The following ZNF469 variants were observed in gnomAD, a reference collection of about 807,000 sequenced individuals.
ZNF469 encodes the protein zinc finger protein 469.
Under a neutral mutation model 1.0 loss-of-function variants are expected in ZNF469, and 1 was observed. The ratio of observed to expected loss-of-function variants is 1.00; its 90% CI spans 0.35 to 4.73. The LOEUF (loss-of-function observed/expected upper bound fraction) is 4.73, where lower values mean the gene tolerates loss of function less well. ZNF469 is among the 30% of genes most tolerant of loss of function. The pLI is 0.16. For synonymous variants in ZNF469, 2,703 were observed against 2,363.4 expected, an observed-to-expected ratio of 1.14 and a Z score of -4.17; for missense variants, 6,100 against 5,356.3, an observed-to-expected ratio of 1.14 and a Z score of -4.33.
At chr16:88,269,583 C>A in the ZNF469 span, among the ~76,000 whole-genome samples, 2 of 152,210 alleles carry the variant, frequency 1.3e-5, no homozygotes, top group Non-Finnish European at 2.9e-5. Context: ...GGCCCCGCCT[C>A]CACCTGGGCT....
At chr16:88,345,467 G>C in the ZNF469 span, among the ~76,000 whole-genome samples, 1 of 152,314 alleles carries the variant, frequency 6.6e-6, no homozygotes, top group South Asian at 2.1e-4. Context: ...CGCAAACGTT[G>C]GGTAGGTGAC....
chr16:88,422,872 G>A lies in ZNF469; in HGVS notation c.-191-1935G>A, dbSNP rs140123607. ...ATGGATGGATGATGATGATGGATGA[G>A]TGAATGGATGGATGGATGGATGGAC... On this transcript the variant is annotated intron_variant, in intron 1 of 2. Transcript: ENST00000565624. 2.5e-5 allele frequency among the ~76,000 whole-genome samples: 3 copies of A among 119,054 alleles called. No individual in the cohort carries two copies. The East Asian group carries it at 8.6e-4, about 34-fold the overall frequency. The allele number at this position is 119,054 out of a possible 152,430, so 78.1% of individuals were successfully genotyped here.
chr16:88,380,954 TCA>T (rs924147953), upstream of ZNF469, among the ~76,000 whole-genome samples: 12 of 84,366 alleles, frequency 1.4e-4, no homozygotes, highest in Admixed American at 2.4e-4. Context: ...AGACACGCCC[TCA>T]CACACAGACA....
At chr16:88,318,103 C>T in the ZNF469 span, among the ~76,000 whole-genome samples, 2 of 152,232 alleles carry the variant, frequency 1.3e-5, no homozygotes, top group Non-Finnish European at 2.9e-5. Context: ...GATCCCTGCC[C>T]GTGGCTTGGG....
At chr16:88,422,186 G>A (rs1293978462) in intron 1 of ZNF469, among the ~76,000 whole-genome samples, 1 of 151,346 alleles carries the variant, frequency 6.6e-6, no homozygotes, top group Non-Finnish European at 1.5e-5. Flanking sequence ...GAGGATGGGG[G>A]GACGGGCACG....
At chr16:88,103,461 G>A in the ZNF469 span, among the ~76,000 whole-genome samples, 1 of 152,232 alleles carries the variant, frequency 6.6e-6, no homozygotes, top group Non-Finnish European at 1.5e-5. Flanking sequence ...CCGCCCTCGG[G>A]ACCGGCGTGA....
At position 88,429,464 on chromosome 16, in the gene ZNF469, C is replaced by T. The variant is rs184583062; in HGVS notation, c.1994C>T (p.Pro665Leu). 12,130 of 1,549,852 alleles carry T rather than the reference C, an allele frequency of 7.8e-3. 58 individuals carry two copies. The highest frequency in any genetic ancestry group is 9.3e-3 in the Non-Finnish European group (10,656 of 1,146,706). ...HSLPTHYQPE[P>L]AKAFPFPADG... ...CTCCCCACCCACTACCAGCCAGAGC[C>T]AGCCAAGGCCTTCCCTTTTCCCGCA... Residue 665 changes from proline (P) to leucine (L), a missense_variant, in exon 3 of 3, where the codon CCA becomes CTA. Transcript: ENST00000565624.
In ZNF469 at chr16:88,436,491, T is replaced by C. The variant is rs1906584672; in HGVS notation, c.9021T>C (p.Asp3007=). The change falls in exon 3 of 3, where the codon GAT becomes GAC. Residue 3007 remains aspartate (D), a synonymous_variant. Coordinates refer to ENST00000565624, the MANE Select transcript of ZNF469 (RefSeq NM_001367624.2). The part of the protein sequence containing the change: ...WRGLEMPAPA[D]DSSSSLGDVS... ...GCCTGGAGATGCCGGCCCCTGCCGATGACTCCTCCTCTTCTCTCGGAGATG... is the reference window on the plus strand; with the variant it reads ...GCCTGGAGATGCCGGCCCCTGCCGACGACTCCTCCTCTTCTCTCGGAGATG... 9 of 1,547,964 alleles carry C rather than the reference T, an allele frequency of 5.8e-6. No homozygotes were observed. In the East Asian group the frequency reaches 2.0e-4, roughly 34 times the overall value.
At chr16:88,185,817 A>C in the ZNF469 span, among the ~76,000 whole-genome samples, 2 of 151,826 alleles carry the variant, frequency 1.3e-5, no homozygotes, top group African/African-American at 4.8e-5. Context: ...ACACGCATAC[A>C]CGTGCCCAGA....
intron 1 of ZNF469, among the ~76,000 whole-genome samples, chr16:88,402,681 T>A (rs1452921742): frequency 6.6e-6 from 1 of 152,084 alleles, no homozygotes. Flanking sequence ...CCCTCTCTCA[T>A]GCCAGGCCAG....
At chr16:88,192,849 AATGATG>A in the ZNF469 span, among the ~76,000 whole-genome samples, 34 of 58,884 alleles carry the variant, frequency 5.8e-4, no homozygotes, top group Admixed American at 8.9e-4. Flanking sequence ...CAATGATGAT[AATGATG>A]GTGATGACGG....
chr16:88,176,662 A>G, the ZNF469 span, among the ~76,000 whole-genome samples: 3 of 152,238 alleles, frequency 2.0e-5, no homozygotes, highest in Non-Finnish European at 4.4e-5. Flanking sequence ...AGTTGTTATC[A>G]TGATGACCGT....
At chr16:88,406,397 C>T (rs1905030400) in intron 1 of ZNF469, among the ~76,000 whole-genome samples, 1 of 152,244 alleles carries the variant, frequency 6.6e-6, no homozygotes, top group Non-Finnish European at 1.5e-5. Flanking sequence ...CAGTGCCCCC[C>T]ACGCTGGGAA....
chr16:88,207,897 G>C, the ZNF469 span, among the ~76,000 whole-genome samples: 1 of 152,098 alleles, frequency 6.6e-6, no homozygotes, highest in Non-Finnish European at 1.5e-5. Context: ...ATATGAAGAC[G>C]CGGTCACAGG....
chr16:88,343,358 G>A, the ZNF469 span, among the ~76,000 whole-genome samples: 3 of 152,132 alleles, frequency 2.0e-5, no homozygotes, highest in Non-Finnish European at 4.4e-5. Context: ...AAATAAATGG[G>A]GAAGAAAAGA....
At chr16:88,380,527 T>TC (rs1567495457), upstream of ZNF469, among the ~76,000 whole-genome samples, 1,031 of 65,516 alleles carry the variant, frequency 0.016, 11 homozygotes, top group Middle Eastern at 0.023. Context: ...ACACACGCAC[T>TC]AACACACACG....
the ZNF469 span, among the ~76,000 whole-genome samples, chr16:88,119,443 G>A: frequency 1.4e-4 from 21 of 152,310 alleles, no homozygotes; most frequent in Admixed American, 1.0e-3. Flanking sequence ...AACCTTGCAC[G>A]GCTGGGAGCA....
At chr16:88,260,587 T>C in the ZNF469 span, among the ~76,000 whole-genome samples, 5 of 152,306 alleles carry the variant, frequency 3.3e-5, no homozygotes, top group East Asian at 9.6e-4. The surrounding 1 kb of genome is among the most constrained non-coding windows in gnomAD (Gnocchi z 4.1). Flanking sequence ...TTTACTCTTT[T>C]ACAAAACTGC....
At chr16:88,421,047 T>C (rs1001477597) in intron 1 of ZNF469, among the ~76,000 whole-genome samples, 12 of 151,644 alleles carry the variant, frequency 7.9e-5, no homozygotes, top group East Asian at 1.9e-4. Context: ...CAGGGGCAGA[T>C]TGGGGAGAAC....
Sources: allele counts gnomAD v4.1 joint callset (sites outside exome capture counted in the v4.1 genomes callset), GRCh38; gene constraint gnomAD v4.1.1; non-coding constraint Gnocchi (gnomAD v3.1); transcripts MANE v1.5; gene names NCBI Gene and HGNC (gene_info 2026-07-23, HGNC 2026-07-21).